Variants in BOK observed in about 807,000 individuals in gnomAD.
BOK encodes bcl-2-related ovarian killer protein.
In BOK, 20 loss-of-function variants were observed where a neutral mutation model predicts 18.3. The ratio of observed to expected loss-of-function variants is 1.09; its 90% CI spans 0.77 to 1.59. The LOEUF (loss-of-function observed/expected upper bound fraction) is 1.59, where lower values mean the gene tolerates loss of function less well. Among genes scored for constraint, BOK ranks in the 40% most tolerant of loss-of-function variants. The pLI is 0.00. For missense variants in BOK, 348 were observed against 307.9 expected, an observed-to-expected ratio of 1.13 and a Z score of -0.97; for synonymous variants, 173 against 142.4, an observed-to-expected ratio of 1.21 and a Z score of -1.53.
intron 2 of BOK, among the ~76,000 whole-genome samples, chr2:241,561,134 AC>A (rs2066520843): frequency 1.3e-5 from 2 of 151,478 alleles, no homozygotes; most frequent in East Asian, 1.9e-4. Context: ...TTAATGAGAT[AC>A]AGAGCAGCCT....
intron 2 of BOK, chr2:241,560,206 T>G (rs962875291): frequency 2.0e-6 from 2 of 985,426 alleles, no homozygotes; most frequent in African/African-American, 3.5e-5. Context: ...TGAGGACATC[T>G]GGGGGTGCTC....
chr2:241,562,371 C>A lies in BOK; in HGVS notation c.244C>A (p.Pro82Thr). ...RLGDELEMIR[P>T]SVYRNVARQL... is the part of the protein sequence containing the mutation. Reference sequence around the variant, plus strand: ...AGGCGATGAGCTGGAGATGATCCGGCCCAGCGTCTACCGCAACGTGGCGCG... The same window carrying A: ...AGGCGATGAGCTGGAGATGATCCGGACCAGCGTCTACCGCAACGTGGCGCG... The change falls in exon 3 of 5, where the codon CCC becomes ACC. Residue 82 changes from proline to threonine, a missense_variant. Coordinates refer to ENST00000318407, the MANE Select transcript of BOK (RefSeq NM_032515.5). This position sits in a 1 kb window ranked among gnomAD's most constrained non-coding sequence, Gnocchi z 4.5. 1 of 1,609,462 alleles carries A rather than the reference C, an allele frequency of 6.2e-7. No individual in the cohort carries two copies. Among genetic ancestry groups the A allele is most frequent in the Non-Finnish European group, 8.5e-7 (1 of 1,178,634 alleles).
intron 3 of BOK, among the ~76,000 whole-genome samples, chr2:241,567,919 G>T (rs868009952): frequency 3.8e-5 from 3 of 78,234 alleles, no homozygotes; most frequent in Admixed American, 1.2e-4. Context: ...GAATGCCTGT[G>T]CCCGTGGCCG....
At chr2:241,559,268 T>C (rs1346074582) in intron 1 of BOK, among the ~76,000 whole-genome samples, 187 bp from the exon 2 acceptor site, 1 of 151,620 alleles carries the variant, frequency 6.6e-6, no homozygotes, top group African/African-American at 2.4e-5. Context: ...CCTCGGGGAA[T>C]GTCTGTAGCT....
rs2066631930 is a variant in BOK at position 241,567,352 on chromosome 2, C to G, written c.350-2773C>G. On this transcript the variant is annotated intron_variant, in intron 3 of 4. Coordinates refer to ENST00000318407, the MANE Select transcript of BOK (RefSeq NM_032515.5). ...ATGTTGGCCAGGCTGATCTTGAACT[C>G]CTGACCTCAGGTGATCCGTCTGCCT... 1.5e-5 allele frequency among the ~76,000 whole-genome samples: 2 copies of G among 133,712 alleles called. 1 individual carries two copies. Among genetic ancestry groups the G allele is most frequent in the South Asian group, 5.1e-4 (2 of 3,942 alleles). The allele number at this position is 133,712 out of a possible 152,430, so 87.7% of individuals were successfully genotyped here.
chr2:241,553,266 T>A (rs1431360713), intron 1 of BOK, among the ~76,000 whole-genome samples: 1 of 152,208 alleles, frequency 6.6e-6, no homozygotes, highest in Admixed American at 6.5e-5. Flanking sequence ...TTCTCCTGCC[T>A]CAGCCTCCGG....
rs368645576 is a variant in BOK at position 241,568,542 on chromosome 2, C to T, written c.350-1583C>T. On this transcript the variant is annotated intron_variant, in intron 3 of 4. Coordinates refer to ENST00000318407, the MANE Select transcript of BOK (RefSeq NM_032515.5). Reference sequence around the variant, plus strand: ...AAGTGATTGCCCTGCCTCAGCCTCCCGAGTAGCTGGGATTACAGGCGCCCA... The same window carrying T: ...AAGTGATTGCCCTGCCTCAGCCTCCTGAGTAGCTGGGATTACAGGCGCCCA... Among the ~76,000 whole-genome samples, 176 of 152,252 alleles carry T rather than the reference C, an allele frequency of 1.2e-3. 5 individuals carry two copies. The South Asian group carries it at 0.035, about 30-fold the overall frequency.
rs1282402131 is a variant in BOK at position 241,559,478 on chromosome 2, G to C, written c.-6G>C. 6.9e-7 allele frequency: 1 copy of C among 1,455,648 alleles called. No homozygotes were observed. Among genetic ancestry groups the C allele is most frequent in the Admixed American group, 2.5e-5 (1 of 40,036 alleles). 90.2% of individuals were successfully genotyped at this position (1,455,648 alleles called of 1,614,324 possible). Reference sequence around the variant, plus strand: ...AGGTGCGGCGCCCCCCACCCGCGTCGCCGCCATGGAGGTGCTGCGGCGCTC... The same window carrying C: ...AGGTGCGGCGCCCCCCACCCGCGTCCCCGCCATGGAGGTGCTGCGGCGCTC... On this transcript the variant is annotated 5_prime_UTR_variant, in exon 2 of 5. Coordinates refer to ENST00000318407, the MANE Select transcript of BOK (RefSeq NM_032515.5).
In BOK at chr2:241,558,919, C is replaced by G. The variant is rs1259433408; in HGVS notation, c.-104C>G. The G allele has an allele frequency of 1.3e-5, 2 of 151,770 alleles. No individual in the cohort carries two copies. Among genetic ancestry groups the G allele is most frequent in the Non-Finnish European group, 2.9e-5 (2 of 67,888 alleles). 9.4% of individuals were successfully genotyped at this position (151,770 alleles called of 1,614,324 possible). A position where few individuals can be genotyped will look rare whatever the true frequency, so the allele number is the denominator to read the frequency against. Reference sequence around the variant, plus strand: ...TCCTCGCGGGTCTGAATGGAAGGGTCGAGGTCGTCGTCGGCGGCGAGCAGA... The same window carrying G: ...TCCTCGCGGGTCTGAATGGAAGGGTGGAGGTCGTCGTCGGCGGCGAGCAGA... On this transcript the variant is annotated 5_prime_UTR_variant, in exon 1 of 5. Coordinates refer to ENST00000318407, the MANE Select transcript of BOK (RefSeq NM_032515.5).
intron 3 of BOK, among the ~76,000 whole-genome samples, chr2:241,569,585 C>T (rs1031827765): frequency 2.6e-5 from 4 of 152,196 alleles, no homozygotes; most frequent in Admixed American, 2.6e-4. Flanking sequence ...GAAAGCCTCT[C>T]TTTTCTCGCT....
chr2:241,562,609 G>A lies in BOK; in HGVS notation c.349+133G>A. ...CAGTGCCCACCGGTGCCATCTCACT[G>A]CTGCAGGTGTCAGGAGCTGCCCAGC... On this transcript the variant is annotated intron_variant, in intron 3 of 4. Transcript: ENST00000318407. This position sits in a 1 kb window ranked among gnomAD's most constrained non-coding sequence, Gnocchi z 4.5. 3 of 1,225,452 alleles carry A rather than the reference G, an allele frequency of 2.4e-6. No individual in the cohort carries two copies. Among genetic ancestry groups the A allele is most frequent in the Non-Finnish European group, 3.3e-6 (3 of 917,020 alleles). The allele number at this position is 1,225,452 out of a possible 1,614,324, so 75.9% of individuals were successfully genotyped here.
chr2:241,562,233 G>A lies in BOK; in HGVS notation c.221-115G>A. 7.4e-7 allele frequency: 1 copy of A among 1,345,004 alleles called. No homozygotes were observed. The highest frequency in any genetic ancestry group is 1.0e-6 in the Non-Finnish European group (1 of 998,870). The allele number at this position is 1,345,004 out of a possible 1,614,324, so 83.3% of individuals were successfully genotyped here. On this transcript the variant is annotated intron_variant, in intron 2 of 4. Coordinates refer to ENST00000318407, the MANE Select transcript of BOK (RefSeq NM_032515.5). The surrounding 1 kb of genome is among the most constrained non-coding windows in gnomAD (Gnocchi z 4.5). ...GTGGGAATCAGACAAGTGAGGAACAGGCTGGAATTCAAGCATGGTCAGGTG... is the reference window on the plus strand; with the variant it reads ...GTGGGAATCAGACAAGTGAGGAACAAGCTGGAATTCAAGCATGGTCAGGTG...
intron 1 of BOK, among the ~76,000 whole-genome samples, 154 bp downstream of exon 1, chr2:241,559,147 G>A (rs1428808562): frequency 6.6e-6 from 1 of 151,198 alleles, no homozygotes; most frequent in Non-Finnish European, 1.5e-5. Context: ...CGTGGGGGAC[G>A]CGCTGGGCTG....
intron 2 of BOK, 95 bp downstream of exon 2, chr2:241,559,798 GC>G: frequency 8.2e-7 from 1 of 1,226,762 alleles, no homozygotes; most frequent in Non-Finnish European, 1.0e-6. Context: ...GCCCAGGGGC[GC>G]CCACCCCCTG....
chr2:241,557,236 A>G, upstream of BOK, among the ~76,000 whole-genome samples: 1 of 146,524 alleles, frequency 6.8e-6, no homozygotes. Context: ...ATTTCCTTTC[A>G]TCTTTAGTTT....
chr2:241,557,663 T>C (rs773691681), upstream of BOK, among the ~76,000 whole-genome samples: 11 of 152,254 alleles, frequency 7.2e-5, no homozygotes, highest in Non-Finnish European at 1.5e-4. Context: ...AGCAGTGTTT[T>C]AGTTGCACTG....
At chr2:241,566,731 C>T (rs189089861) in intron 3 of BOK, among the ~76,000 whole-genome samples, 1 of 83,248 alleles carries the variant, frequency 1.2e-5, no homozygotes, top group Non-Finnish European at 2.5e-5. Context: ...GCCACCTCAA[C>T]CTGTGAAATA....
At position 241,572,433 on chromosome 2, in the gene BOK, T is replaced by C; in HGVS notation, c.*11T>C. The C allele has an allele frequency of 1.3e-6, 2 of 1,593,536 alleles. No individual in the cohort carries two copies. The highest frequency in any genetic ancestry group is 1.7e-6 in the Non-Finnish European group (2 of 1,176,886). ...CTGCCAGAGAGATGAGCTGCCCACC[T>C]GGCAGTGGCCGCAGCCTGGCCCTCT... On this transcript the variant is annotated 3_prime_UTR_variant, in exon 5 of 5. Coordinates refer to ENST00000318407, the MANE Select transcript of BOK (RefSeq NM_032515.5).
At chr2:241,563,137 A>C (rs1226839454) in intron 3 of BOK, among the ~76,000 whole-genome samples, 1 of 152,060 alleles carries the variant, frequency 6.6e-6, no homozygotes, top group Non-Finnish European at 1.5e-5. Flanking sequence ...CTGGAGAGGC[A>C]TCTCCTGGCC....
Sources: gnomAD v4.1 joint callset for allele counts (sites outside exome capture counted in the v4.1 genomes callset) on GRCh38, gnomAD v4.1.1 for gene constraint, Gnocchi (gnomAD v3.1) non-coding constraint, MANE v1.5 for transcripts, NCBI Gene and HGNC (gene_info 2026-07-23, HGNC 2026-07-21) for gene names.